Variants in SENP2 observed in about 807,000 individuals in gnomAD.
The protein encoded by SENP2 is sentrin-specific protease 2.
A neutral mutation model predicts 86.3 loss-of-function variants in SENP2; 16 were observed. The ratio of observed to expected loss-of-function variants is 0.19; its 90% CI spans 0.13 to 0.28. SENP2 has a LOEUF of 0.28. Among genes scored for constraint, SENP2 ranks in the 10% least tolerant of loss-of-function variants. SENP2 has a pLI of 1.00. For missense variants in SENP2, 552 were observed against 703.0 expected, an observed-to-expected ratio of 0.79 and a Z score of 2.43; for synonymous variants, 222 against 238.7, an observed-to-expected ratio of 0.93 and a Z score of 0.64.
At position 185,625,078 on chromosome 3, in the gene SENP2, A is replaced by G. The variant is rs192974222; in HGVS notation, c.1611+996A>G. Among the ~76,000 whole-genome samples, 92 of 151,862 alleles carry G rather than the reference A, an allele frequency of 6.1e-4. 2 individuals are homozygous for G. In the East Asian group the frequency reaches 0.016, roughly 27 times the overall value. ...TAGGCTTGAGAGAAAAGTGTGAGGT[A>G]TATGCGTATGTATGGGTGGTATGTA... On this transcript the variant is annotated intron_variant, in intron 15 of 16. Coordinates refer to ENST00000296257, the MANE Select transcript of SENP2 (RefSeq NM_021627.3).
At chr3:185,601,550 C>T (rs1722345808) in intron 5 of SENP2, among the ~76,000 whole-genome samples, 1 of 151,712 alleles carries the variant, frequency 6.6e-6, no homozygotes, top group Non-Finnish European at 1.5e-5. Context: ...AGTTTTCTTA[C>T]TTTCCTTTGT....
Position 185,631,096 on chromosome 3 carries a change from A to G in SENP2, c.*1252A>G, listed in dbSNP as rs374000966. The G allele has an allele frequency of 2.7e-5, 4 of 146,336 alleles. No homozygotes were observed. Among genetic ancestry groups the G allele is most frequent in the African/African-American group, 1.1e-4 (4 of 35,940 alleles). The allele number at this position is 146,336 out of a possible 1,614,324, so 9.1% of individuals were successfully genotyped here. On this transcript the variant is annotated 3_prime_UTR_variant, in exon 17 of 17. Coordinates refer to ENST00000296257, the MANE Select transcript of SENP2 (RefSeq NM_021627.3). ...AATAAAAGGTGGTCTGGCAGAACCT[A>G]AAAAAGTATATGCTGAAATGATTTC... is the stretch of plus-strand genomic sequence containing the variant.
intron 16 of SENP2, among the ~76,000 whole-genome samples, chr3:185,628,641 T>C (rs898165599): frequency 1.3e-5 from 2 of 152,068 alleles, no homozygotes; most frequent in Non-Finnish European, 2.9e-5. Context: ...CAAGTAACCG[T>C]GATTACAGGA....
At position 185,617,485 on chromosome 3, in the gene SENP2, G is replaced by A; in HGVS notation, c.1116G>A (p.Met372Ile). ...TTCTGAACTTTCTAATTCAGGACAT[G>A]GAAAAGGAAATCAGTAATGCCCTAG... Reference protein sequence around the residue: ...TDDLLELTEDMEKEISNALGH... With the variant: ...TDDLLELTEDIEKEISNALGH... The change falls in exon 12 of 17, where the codon ATG (methionine) becomes ATA (isoleucine). Residue 372 changes from methionine to isoleucine, a missense_variant. This residue lies in a region of SENP2 where 169 missense variants were observed against 275.7 expected (regional missense o/e 0.61). Coordinates refer to ENST00000296257, the MANE Select transcript of SENP2 (RefSeq NM_021627.3). 1.2e-6 allele frequency: 2 copies of A among 1,606,826 alleles called. No individual in the cohort carries two copies. Among genetic ancestry groups the A allele is most frequent in the Non-Finnish European group, 8.5e-7 (1 of 1,176,792 alleles).
chr3:185,616,631 C>T (rs1243630395), intron 11 of SENP2, among the ~76,000 whole-genome samples: 5 of 151,556 alleles, frequency 3.3e-5, no homozygotes, highest in African/African-American at 1.2e-4. Context: ...AAAAATTAGC[C>T]GGGCGTGGTG....
chr3:185,602,698 G>A (rs982488033), intron 5 of SENP2, among the ~76,000 whole-genome samples: 15 of 151,492 alleles, frequency 9.9e-5, no homozygotes, highest in African/African-American at 3.6e-4. Flanking sequence ...GCTAGGTGTG[G>A]TGGCACACAC....
intron 2 of SENP2, among the ~76,000 whole-genome samples, chr3:185,593,297 A>G (rs1401900638): frequency 6.6e-6 from 1 of 152,158 alleles, no homozygotes; most frequent in East Asian, 1.9e-4. Flanking sequence ...TTTAATAGAG[A>G]CAGGGTCTTG....
chr3:185,593,329 C>T (rs571142918), intron 2 of SENP2, among the ~76,000 whole-genome samples: 25 of 152,162 alleles, frequency 1.6e-4, no homozygotes, highest in African/African-American at 5.5e-4. Flanking sequence ...AGGCTGATCT[C>T]GAACTCCTGG....
intron 4 of SENP2, among the ~76,000 whole-genome samples, chr3:185,600,379 A>C (rs1267203326): frequency 2.0e-5 from 3 of 152,202 alleles, no homozygotes; most frequent in African/African-American, 7.2e-5. Context: ...TTAGGAATTC[A>C]GAATTTTTCA....
At chr3:185,623,543 A>G (rs1711990001) in intron 14 of SENP2, among the ~76,000 whole-genome samples, 1 of 151,848 alleles carries the variant, frequency 6.6e-6, no homozygotes, top group African/African-American at 2.4e-5. Flanking sequence ...TTATAAGCAG[A>G]CCTCCCCAAA....
Position 185,586,384 on chromosome 3 carries a change from T to A in SENP2, c.-30T>A, listed in dbSNP as rs367866105. 1 of 1,612,490 alleles carries A rather than the reference T, an allele frequency of 6.2e-7. No individual in the cohort carries two copies. ...GCTCTGGGGTTTGCGTCTCGGGGTG[T>A]GTCGGCCGCCGCTGCTGCTTGGGCC... On this transcript the variant is annotated 5_prime_UTR_variant, in exon 1 of 17. Coordinates refer to ENST00000296257, the MANE Select transcript of SENP2 (RefSeq NM_021627.3). The surrounding 1 kb of genome is among the most constrained non-coding windows in gnomAD (Gnocchi z 4.3).
At chr3:185,601,095 G>A (rs1577723890) in intron 5 of SENP2, among the ~76,000 whole-genome samples, 1 of 136,492 alleles carries the variant, frequency 7.3e-6, no homozygotes, top group African/African-American at 2.8e-5. Flanking sequence ...CCAGGCTGGA[G>A]TGCATTGGTG....
In SENP2 at chr3:185,586,624, G is replaced by A. The variant is rs1721791941; in HGVS notation, c.101+110G>A. On this transcript the variant is annotated intron_variant, in intron 1 of 16. Transcript: ENST00000296257. This position sits in a 1 kb window ranked among gnomAD's most constrained non-coding sequence, Gnocchi z 4.3. ...CCAGGCTCACCCGAAACAGGTCGCCGGGATCCTAGTGACGTAGTCGCTCCC... is the reference window on the plus strand; with the variant it reads ...CCAGGCTCACCCGAAACAGGTCGCCAGGATCCTAGTGACGTAGTCGCTCCC... 2 of 1,014,048 alleles carry A rather than the reference G, an allele frequency of 2.0e-6. No homozygotes were observed. The highest frequency in any genetic ancestry group is 3.0e-6 in the Non-Finnish European group (2 of 674,766). 62.8% of individuals were successfully genotyped at this position (1,014,048 alleles called of 1,614,324 possible). A position where few individuals can be genotyped will look rare whatever the true frequency, so the allele number is the denominator to read the frequency against.
intron 2 of SENP2, among the ~76,000 whole-genome samples, chr3:185,596,585 C>T (rs1722180273): frequency 6.6e-6 from 1 of 150,560 alleles, no homozygotes; most frequent in South Asian, 2.1e-4. Flanking sequence ...CATGCCACTG[C>T]ACTCCAGTCT....
At chr3:185,589,178 A>G (rs1721898708) in intron 1 of SENP2, among the ~76,000 whole-genome samples, 1 of 152,096 alleles carries the variant, frequency 6.6e-6, no homozygotes, top group Non-Finnish European at 1.5e-5. Context: ...GGGTCCTGAA[A>G]CTTTCCTCAA....
intron 16 of SENP2, among the ~76,000 whole-genome samples, chr3:185,626,918 A>G (rs1376784296): frequency 6.6e-6 from 1 of 151,678 alleles, no homozygotes; most frequent in Admixed American, 6.6e-5. Context: ...TCTACTAAAA[A>G]TACAAAAAAT....
intron 8 of SENP2, 51 bp from the exon 9 acceptor site, chr3:185,612,556 A>G (rs1301581971): frequency 7.8e-7 from 1 of 1,281,668 alleles, no homozygotes; most frequent in Non-Finnish European, 1.1e-6. Flanking sequence ...TTCTAACTAT[A>G]TTATTCATCG....
At chr3:185,611,848 A>G in intron 8 of SENP2, 103 bp downstream of exon 8, 1 of 835,260 alleles carries the variant, frequency 1.2e-6, no homozygotes, top group East Asian at 2.7e-5. Flanking sequence ...ATGGTGTACC[A>G]AAATACTGTC....
chr3:185,606,133 A>T (rs1266884058), intron 5 of SENP2, among the ~76,000 whole-genome samples, 197 bp from the exon 6 acceptor site: 2 of 152,202 alleles, frequency 1.3e-5, no homozygotes, highest in Non-Finnish European at 2.9e-5. Context: ...TAGTTTAGAA[A>T]CAGACATTCC....
Sources: gnomAD v4.1 joint callset for allele counts (sites outside exome capture counted in the v4.1 genomes callset) on GRCh38, gnomAD v4.1.1 for gene constraint, gnomAD v4.1.1 regional missense constraint, Gnocchi (gnomAD v3.1) non-coding constraint, MANE v1.5 for transcripts, NCBI Gene and HGNC (gene_info 2026-07-23, HGNC 2026-07-21) for gene names.